The following PACRG variants were observed in gnomAD, a reference collection of about 807,000 sequenced individuals.
The protein encoded by PACRG is parkin coregulated gene protein.
PACRG carries 29 observed loss-of-function variants against 29.7 expected under a neutral mutation model. The observed-to-expected ratio is 0.98, with a 90% confidence interval of 0.73 to 1.33. The LOEUF is 1.33. Ranked by LOEUF, PACRG falls within the 40% of genes most tolerant of loss-of-function variation. The probability of loss-of-function intolerance (pLI) is 0.00; values close to 1 mark genes in which losing one functional copy is unlikely to be tolerated. For missense variants in PACRG, 279 were observed against 316.2 expected (o/e 0.88, Z 0.89); for synonymous variants, 116 against 118.7 (o/e 0.98, Z 0.15).
At chr6:163,253,886 C>T (rs111517927) in intron 4 of PACRG, among the ~76,000 whole-genome samples, 1 of 152,182 alleles carries the variant, frequency 6.6e-6, no homozygotes, top group Non-Finnish European at 1.5e-5. Context: ...TGGAGCAGGG[C>T]TCCCAGCTCT....
chr6:162,893,017 G>A (rs946938075), intron 2 of PACRG, among the ~76,000 whole-genome samples: 10 of 149,938 alleles, frequency 6.7e-5, no homozygotes, highest in East Asian at 2.0e-4. Context: ...CAGGAGCCTC[G>A]GCCCACATCC....
chr6:163,209,854 T>A (rs1781063627), intron 4 of PACRG, among the ~76,000 whole-genome samples: 1 of 152,158 alleles, frequency 6.6e-6, no homozygotes, highest in African/African-American at 2.4e-5. Context: ...TTCTTTCTTT[T>A]AAAGAAAGAA....
intron 2 of PACRG, among the ~76,000 whole-genome samples, chr6:162,905,630 A>C (rs964865917): frequency 2.6e-5 from 4 of 152,212 alleles, no homozygotes; most frequent in African/African-American, 9.6e-5. Context: ...AGAGGGAGAC[A>C]GGGAAAAAGA....
intron 2 of PACRG, among the ~76,000 whole-genome samples, chr6:162,877,231 T>C (rs975940048): frequency 6.6e-5 from 10 of 152,122 alleles, no homozygotes; most frequent in Non-Finnish European, 1.3e-4. Context: ...GTGGCACATA[T>C]ACACTGTGGA....
chr6:163,064,073 C>T (rs533199402), intron 3 of PACRG, among the ~76,000 whole-genome samples: 26 of 151,736 alleles, frequency 1.7e-4, no homozygotes, highest in Admixed American at 1.2e-3. Flanking sequence ...CAGCAATATT[C>T]GGACATATAT....
chr6:162,779,473 A>G (rs1188511923), intron 1 of PACRG, among the ~76,000 whole-genome samples: 2 of 152,230 alleles, frequency 1.3e-5, no homozygotes, highest in African/African-American at 2.4e-5. Flanking sequence ...TACTTCAGCA[A>G]GCAAACTGTA....
At chr6:162,817,500 G>C (rs1009748828) in intron 2 of PACRG, among the ~76,000 whole-genome samples, 1 of 152,088 alleles carries the variant, frequency 6.6e-6, no homozygotes, top group Admixed American at 6.5e-5. Flanking sequence ...TCTCTTTCTT[G>C]TGGCATCTCT....
chr6:162,867,002 TG>T (rs1362906805), intron 2 of PACRG, among the ~76,000 whole-genome samples: 1 of 152,218 alleles, frequency 6.6e-6, no homozygotes, highest in African/African-American at 2.4e-5. Context: ...GAGAAATATT[TG>T]TTGCATGGTA....
intron 2 of PACRG, among the ~76,000 whole-genome samples, chr6:162,907,818 T>C (rs1244610299): frequency 6.6e-6 from 1 of 152,182 alleles, no homozygotes; most frequent in Non-Finnish European, 1.5e-5. Context: ...TCTGTCCTCA[T>C]AGCAAACTAG....
At chr6:162,969,689 C>T (rs1367206664) in intron 2 of PACRG, among the ~76,000 whole-genome samples, 13 of 152,076 alleles carry the variant, frequency 8.5e-5, no homozygotes, top group Admixed American at 6.6e-5. Flanking sequence ...CCTGGAGGGC[C>T]TCGGCATGGT....
intron 4 of PACRG, among the ~76,000 whole-genome samples, chr6:163,231,034 A>G (rs1473125552): frequency 2.0e-5 from 3 of 152,220 alleles, no homozygotes; most frequent in African/African-American, 4.8e-5. Flanking sequence ...AGATCCCTGC[A>G]AAGGCAACGG....
intron 4 of PACRG, among the ~76,000 whole-genome samples, chr6:163,295,655 G>C (rs1333029353): frequency 1.3e-5 from 2 of 152,172 alleles, no homozygotes; most frequent in Non-Finnish European, 2.9e-5. Flanking sequence ...TATCATGTAA[G>C]AAGCACTGAT....
intron 1 of PACRG, among the ~76,000 whole-genome samples, chr6:162,736,573 G>C (rs1439034520): frequency 6.6e-6 from 1 of 151,906 alleles, no homozygotes; most frequent in Non-Finnish European, 1.5e-5. Context: ...TAACAGTTGA[G>C]AAGGACCTAG....
intron 4 of PACRG, among the ~76,000 whole-genome samples, chr6:163,094,393 T>G (rs1814382970): frequency 1.3e-5 from 2 of 152,198 alleles, no homozygotes; most frequent in South Asian, 4.1e-4. Context: ...TTATTAGAAC[T>G]ACTGCCCCCC....
intron 2 of PACRG, among the ~76,000 whole-genome samples, chr6:162,923,558 T>G (rs1241004777): frequency 5.9e-5 from 9 of 152,202 alleles, no homozygotes; most frequent in Non-Finnish European, 1.3e-4. Flanking sequence ...GGGTCTAGTT[T>G]CTTTCTTCTG....
At chr6:163,265,869 A>T (rs988305194) in intron 4 of PACRG, among the ~76,000 whole-genome samples, 2 of 152,192 alleles carry the variant, frequency 1.3e-5, no homozygotes, top group Admixed American at 1.3e-4. Flanking sequence ...CATAATTCCG[A>T]GTCAAAAATT....
At chr6:162,799,872 A>T (rs1487415763) in intron 1 of PACRG, among the ~76,000 whole-genome samples, 1 of 152,196 alleles carries the variant, frequency 6.6e-6, no homozygotes, top group Non-Finnish European at 1.5e-5. Context: ...CTCTTGCAAG[A>T]CACAGAAGAT....
chr6:162,792,721 G>T (rs1333624442), intron 1 of PACRG, among the ~76,000 whole-genome samples: 1 of 152,184 alleles, frequency 6.6e-6, no homozygotes, highest in African/African-American at 2.4e-5. Flanking sequence ...AGAGCAAGAA[G>T]AGGTGAAAAA....
intron 4 of PACRG, among the ~76,000 whole-genome samples, chr6:163,300,722 A>T (rs531106030): frequency 6.6e-6 from 1 of 152,364 alleles, no homozygotes; most frequent in Admixed American, 6.5e-5. Flanking sequence ...ATTAAATCCC[A>T]TAGTGATACT....
Sources: gnomAD v4.1 joint callset for allele counts (sites outside exome capture counted in the v4.1 genomes callset) on GRCh38, gnomAD v4.1.1 for gene constraint, MANE v1.5 for transcripts, NCBI Gene and HGNC (gene_info 2026-07-23, HGNC 2026-07-21) for gene names.